The following SLC24A2 variants were observed in gnomAD, a reference collection of about 807,000 sequenced individuals.
SLC24A2 encodes the protein solute carrier family 24 member 2, also known as sodium/potassium/calcium exchanger 2.
In SLC24A2, 36 loss-of-function variants were observed where a neutral mutation model predicts 62.0. The observed-to-expected ratio is 0.58, with a 90% CI of 0.44 to 0.77. SLC24A2 has a LOEUF of 0.77. Among genes scored for constraint, SLC24A2 ranks in the 30% least tolerant of loss-of-function variants. The pLI is 0.00. For synonymous variants in SLC24A2, 358 were observed against 294.0 expected, an observed-to-expected ratio of 1.22 and a Z score of -2.23; for missense variants, 846 against 817.9, an observed-to-expected ratio of 1.03 and a Z score of -0.42.
At position 19,576,970 on chromosome 9, in the gene SLC24A2, A is replaced by T; in HGVS notation, c.1182T>A (p.Cys394Ter). ...TCTGCCTCTCGTTCTCATCCACATG[A>T]CATTTCTTCTTGGCGATCTTGTGGA... The part of the protein sequence containing the change: ...SILHKIAKKK[C>*]HVDENERQNG... Residue 394 changes from cysteine (C) to a stop codon, truncating the protein, a stop_gained, in exon 6 of 11, where the codon TGT becomes TGA. Coordinates refer to ENST00000341998, the MANE Select transcript of SLC24A2 (RefSeq NM_020344.4). LOFTEE classifies it high-confidence loss of function. The T allele has an allele frequency of 6.2e-7, 1 of 1,614,136 alleles. No homozygotes were observed. The highest frequency in any genetic ancestry group is 8.5e-7 in the Non-Finnish European group (1 of 1,180,016).
At chr9:20,031,153 CACAT>C in the SLC24A2 span, among the ~76,000 whole-genome samples, 1 of 151,354 alleles carries the variant, frequency 6.6e-6, no homozygotes, top group African/African-American at 2.4e-5. Context: ...TGTATACACA[CACAT>C]ATATATTCAC....
chr9:19,761,898 T>G (rs902702004), intron 2 of SLC24A2, among the ~76,000 whole-genome samples: 4 of 152,192 alleles, frequency 2.6e-5, no homozygotes, highest in African/African-American at 9.7e-5. Context: ...ACATTTGGGT[T>G]GGTTCCAAGT....
At chr9:20,208,316 G>A in the SLC24A2 span, among the ~76,000 whole-genome samples, 1 of 152,150 alleles carries the variant, frequency 6.6e-6, no homozygotes, top group Non-Finnish European at 1.5e-5. Context: ...AGAGAGCAAG[G>A]GCTAGAGGAA....
At chr9:19,558,999 A>C (rs185743328) in intron 7 of SLC24A2, among the ~76,000 whole-genome samples, 13 of 152,296 alleles carry the variant, frequency 8.5e-5, no homozygotes, top group African/African-American at 3.1e-4. Flanking sequence ...GTTTTCTACT[A>C]AATAGGAAGT....
At chr9:19,660,969 C>A (rs913217622) in intron 2 of SLC24A2, among the ~76,000 whole-genome samples, 1 of 152,130 alleles carries the variant, frequency 6.6e-6, no homozygotes, top group African/African-American at 2.4e-5. Flanking sequence ...TGTCTGAGCT[C>A]GGACATCCAG....
the SLC24A2 span, among the ~76,000 whole-genome samples, chr9:20,249,825 G>T: frequency 6.6e-6 from 1 of 151,880 alleles, no homozygotes; most frequent in Non-Finnish European, 1.5e-5. Context: ...GGAAGGAGTG[G>T]TCACAGCAGC....
At chr9:20,110,524 T>C in the SLC24A2 span, among the ~76,000 whole-genome samples, 1 of 152,136 alleles carries the variant, frequency 6.6e-6, no homozygotes, top group African/African-American at 2.4e-5. Flanking sequence ...CTGTGTACTT[T>C]AATCATATTA....
intron 9 of SLC24A2, among the ~76,000 whole-genome samples, chr9:19,523,610 C>A (rs1206571653): frequency 6.6e-6 from 1 of 152,036 alleles, no homozygotes; most frequent in African/African-American, 2.4e-5. Context: ...TTACAGGCAT[C>A]TGCCACCATG....
At chr9:19,731,621 AGTGGATAC>A (rs981803687) in intron 2 of SLC24A2, among the ~76,000 whole-genome samples, 12 of 152,108 alleles carry the variant, frequency 7.9e-5, no homozygotes, top group African/African-American at 2.9e-4. Context: ...AAACCAAATC[AGTGGATAC>A]CTTGATCTTG....
At chr9:19,772,484 G>A (rs763481454) in intron 2 of SLC24A2, among the ~76,000 whole-genome samples, 1 of 152,154 alleles carries the variant, frequency 6.6e-6, no homozygotes, top group Non-Finnish European at 1.5e-5. Flanking sequence ...CTGATAAGGG[G>A]CTTGTAACCA....
At chr9:19,583,157 C>T (rs1409002740) in intron 5 of SLC24A2, among the ~76,000 whole-genome samples, 14 of 152,172 alleles carry the variant, frequency 9.2e-5, no homozygotes, top group Admixed American at 8.5e-4. Flanking sequence ...TGATCTTGTA[C>T]GCTACCCCTC....
the SLC24A2 span, chr9:19,929,437 C>T: frequency 6.6e-6 from 1 of 152,166 alleles, no homozygotes; most frequent in African/African-American, 2.4e-5. Flanking sequence ...CAGTCAACAA[C>T]AGATCAAATA....
chr9:20,043,683 A>G, the SLC24A2 span, among the ~76,000 whole-genome samples: 2 of 152,228 alleles, frequency 1.3e-5, no homozygotes, highest in Admixed American at 6.5e-5. Flanking sequence ...TGAAGATGGC[A>G]CCGAATGGCC....
chr9:19,798,260 T>G, the SLC24A2 span, among the ~76,000 whole-genome samples: 3 of 152,210 alleles, frequency 2.0e-5, no homozygotes, highest in Non-Finnish European at 4.4e-5. Context: ...ATTTGCTGAT[T>G]TGTCAATGTT....
At chr9:20,061,063 C>T in the SLC24A2 span, among the ~76,000 whole-genome samples, 1 of 152,024 alleles carries the variant, frequency 6.6e-6, no homozygotes, top group East Asian at 1.9e-4. Context: ...AAAGACATTC[C>T]ATGTTTATGG....
At chr9:19,759,818 A>C (rs1007908) in intron 2 of SLC24A2, among the ~76,000 whole-genome samples, 113,363 of 152,090 alleles carry the variant, frequency 0.75, 42,501 homozygotes, top group East Asian at 0.8. Context: ...ACTGGCATAA[A>C]TAGGGCTCCT....
the SLC24A2 span, among the ~76,000 whole-genome samples, chr9:19,896,324 C>T: frequency 6.6e-6 from 1 of 152,164 alleles, no homozygotes; most frequent in Non-Finnish European, 1.5e-5. Context: ...AAATGTGAAA[C>T]AGCTTAGTCA....
At chr9:20,100,092 C>T in the SLC24A2 span, among the ~76,000 whole-genome samples, 1 of 152,236 alleles carries the variant, frequency 6.6e-6, no homozygotes, top group Admixed American at 6.5e-5. Context: ...AATTGACAGC[C>T]TCGTCCTCCT....
At chr9:20,052,139 T>C in the SLC24A2 span, among the ~76,000 whole-genome samples, 2 of 152,214 alleles carry the variant, frequency 1.3e-5, no homozygotes, top group Non-Finnish European at 2.9e-5. Context: ...CAAATTTATA[T>C]ATTTAATTGC....
Sources: allele counts gnomAD v4.1 joint callset (sites outside exome capture counted in the v4.1 genomes callset), GRCh38; gene constraint gnomAD v4.1.1; transcripts MANE v1.5; gene names NCBI Gene and HGNC (gene_info 2026-07-23, HGNC 2026-07-21).